Variants in ADAMTS9 observed in about 807,000 individuals in gnomAD.
ADAMTS9 encodes ADAM metallopeptidase with thrombospondin type 1 motif 9, also known as A disintegrin and metalloproteinase with thrombospondin motifs 9.
ADAMTS9 carries 107 observed loss-of-function variants against 257.1 expected under a neutral mutation model. The observed-to-expected ratio is 0.42, with a 90% CI of 0.36 to 0.49. ADAMTS9 has a LOEUF of 0.49. ADAMTS9 is among the 20% of genes least tolerant of loss of function. ADAMTS9 has a pLI of 0.03. For synonymous variants in ADAMTS9, 982 were observed against 880.9 expected, an observed-to-expected ratio of 1.11 and a Z score of -2.03; for missense variants, 2,353 against 2,469.1, an observed-to-expected ratio of 0.95 and a Z score of 1.00.
At chr3:64,647,882 C>A in intron 11 of ADAMTS9, 58 bp downstream of exon 11, 1 of 1,499,756 alleles carries the variant, frequency 6.7e-7, no homozygotes, top group Non-Finnish European at 9.1e-7. Context: ...TGATCATACA[C>A]CCAAAATCTT....
At chr3:64,558,175 G>T (rs2083365819) in intron 30 of ADAMTS9, among the ~76,000 whole-genome samples, 1 of 152,198 alleles carries the variant, frequency 6.6e-6, no homozygotes, top group African/African-American at 2.4e-5. Context: ...CACTTTAGGT[G>T]TATTTGGCAT....
At chr3:64,618,394 T>A (rs981643153) in intron 19 of ADAMTS9, among the ~76,000 whole-genome samples, 6 of 152,198 alleles carry the variant, frequency 3.9e-5, no homozygotes, top group African/African-American at 1.2e-4. Flanking sequence ...ATGGGAAATT[T>A]AGAATTTAGA....
At chr3:64,574,559 C>CA (rs34194727) in intron 28 of ADAMTS9, among the ~76,000 whole-genome samples, 6,321 of 80,698 alleles carry the variant, frequency 0.078, 370 homozygotes, top group African/African-American at 0.12. Context: ...CCCATCTCTA[C>CA]AAAAAAAAAA....
At chr3:64,678,495 G>A (rs1327656143) in intron 3 of ADAMTS9, among the ~76,000 whole-genome samples, 2 of 152,220 alleles carry the variant, frequency 1.3e-5, no homozygotes, top group African/African-American at 4.8e-5. Flanking sequence ...TTGCCTGGGA[G>A]AGGGGTTAGT....
intron 3 of ADAMTS9, among the ~76,000 whole-genome samples, chr3:64,676,068 A>G (rs920637859): frequency 3.9e-5 from 6 of 152,224 alleles, no homozygotes; most frequent in African/African-American, 1.4e-4. Context: ...GGGTCAGTCC[A>G]ACAGGCACAA....
At chr3:64,671,477 A>G (rs2107016233) in intron 3 of ADAMTS9, among the ~76,000 whole-genome samples, 1 of 152,348 alleles carries the variant, frequency 6.6e-6, no homozygotes, top group East Asian at 1.9e-4. Context: ...ATGGAAGGAA[A>G]ACACTAGGAA....
chr3:64,666,449 C>T (rs1271266043), intron 3 of ADAMTS9, among the ~76,000 whole-genome samples: 4 of 152,174 alleles, frequency 2.6e-5, no homozygotes, highest in South Asian at 2.1e-4. Context: ...AGGAGCAAGG[C>T]GAGACCCCTT....
intron 30 of ADAMTS9, among the ~76,000 whole-genome samples, chr3:64,551,329 C>A (rs2083268976): frequency 6.6e-6 from 1 of 152,150 alleles, no homozygotes; most frequent in Admixed American, 6.5e-5. Flanking sequence ...CCTGCCTCAG[C>A]CTCCCGAGTA....
chr3:64,543,206 AT>A (rs1166469635), intron 32 of ADAMTS9, among the ~76,000 whole-genome samples: 1 of 168 alleles, frequency 6.0e-3, no homozygotes, highest in African/African-American at 0.05. Flanking sequence ...AGCTGGTACC[AT>A]ATCCTTCTGA....
At position 64,635,320 on chromosome 3, in the gene ADAMTS9, C is replaced by T. The variant is rs151327957; in HGVS notation, c.1857-1441G>A. ...GGGTGACTTTGTGTAAGCTGTCTCA[C>T]CTTCCTGGGCTCTATCTTCACATGT... On this transcript the variant is annotated intron_variant, in intron 12 of 39. Transcript: ENST00000498707. Among the ~76,000 whole-genome samples the T allele has an allele frequency of 5.5e-3, 837 of 152,304 alleles. 9 individuals are homozygous for T. The highest frequency in any genetic ancestry group is 0.019 in the African/African-American group (797 of 41,556).
At chr3:64,656,981 G>A (rs530309429) in intron 4 of ADAMTS9, among the ~76,000 whole-genome samples, 5 of 152,058 alleles carry the variant, frequency 3.3e-5, no homozygotes, top group South Asian at 2.1e-4. Flanking sequence ...GTTATGCTAC[G>A]GCTGAAAATG....
chr3:64,568,592 G>A, intron 28 of ADAMTS9, 57 bp from the exon 29 acceptor site: 4 of 1,586,464 alleles, frequency 2.5e-6, no homozygotes, highest in Admixed American at 3.7e-5. Context: ...CGGAGTTTGA[G>A]AAAAAACCTG....
intron 12 of ADAMTS9, among the ~76,000 whole-genome samples, chr3:64,634,754 G>C (rs1159119304): frequency 6.6e-6 from 1 of 152,242 alleles, no homozygotes; most frequent in East Asian, 1.9e-4. Context: ...AACTGCCCTA[G>C]GACAACCCTG....
chr3:64,583,952 G>A (rs559796967), intron 28 of ADAMTS9: 3 of 152,266 alleles, frequency 2.0e-5, no homozygotes, highest in South Asian at 2.1e-4. Context: ...GAACAAACAC[G>A]TTCTTCTGAA....
At chr3:64,607,187 G>A in intron 22 of ADAMTS9, 108 bp from the exon 23 acceptor site, 3 of 1,449,826 alleles carry the variant, frequency 2.1e-6, no homozygotes, top group Non-Finnish European at 2.8e-6. Flanking sequence ...CAGTAGGCCA[G>A]AGGGCTGGCG....
Position 64,631,709 on chromosome 3 carries a change from T to C in ADAMTS9, c.2293+99A>G. On this transcript the variant is annotated intron_variant, in intron 15 of 39. Coordinates refer to ENST00000498707, the MANE Select transcript of ADAMTS9 (RefSeq NM_182920.2). ...ATAATCCACCATAACGAGACTGATT[T>C]TTATGCTCGACATTAATATTTTTGC... The C allele has an allele frequency of 7.1e-6, 9 of 1,261,794 alleles. No individual in the cohort carries two copies. The South Asian group carries it at 1.1e-4, about 16-fold the overall frequency. The allele number at this position is 1,261,794 out of a possible 1,614,324, so 78.2% of individuals were successfully genotyped here. A position where few individuals can be genotyped will look rare whatever the true frequency, so the allele number is the denominator to read the frequency against.
intron 36 of ADAMTS9, among the ~76,000 whole-genome samples, chr3:64,540,016 G>T: frequency 6.6e-6 from 1 of 152,328 alleles, no homozygotes. Context: ...CCAGAGGCAG[G>T]TTTCATCTTT....
intron 38 of ADAMTS9, among the ~76,000 whole-genome samples, chr3:64,531,580 A>G (rs11921936): frequency 0.053 from 8,080 of 151,704 alleles, 727 homozygotes; most frequent in African/African-American, 0.18. Flanking sequence ...GGATCCTCCC[A>G]CCTCAACCTC....
Position 64,517,422 on chromosome 3 carries a change from T to TTTTTG in ADAMTS9, c.*6-302_*6-301insCAAAA, listed in dbSNP as rs1553698679. ...GCCCAGCTAATTAAAAATGGTTTTT[T>TTTTTG]TTTTTTTTTTTTTTTTTGCAGAAAT... is the stretch of plus-strand genomic sequence containing the variant. On this transcript the variant is annotated intron_variant, in intron 39 of 39. Coordinates refer to ENST00000498707, the MANE Select transcript of ADAMTS9 (RefSeq NM_182920.2). Among the ~76,000 whole-genome samples the TTTTTG allele has an allele frequency of 5.7e-5, 7 of 122,878 alleles. 1 individual carries two copies. Among genetic ancestry groups the TTTTTG allele is most frequent in the Non-Finnish European group, 1.0e-4 (6 of 57,628 alleles). The allele number at this position is 122,878 out of a possible 152,430, so 80.6% of individuals were successfully genotyped here. A position where few individuals can be genotyped will look rare whatever the true frequency, so the allele number is the denominator to read the frequency against.
Sources: allele counts gnomAD v4.1 joint callset (sites outside exome capture counted in the v4.1 genomes callset), GRCh38; gene constraint gnomAD v4.1.1; transcripts MANE v1.5; gene names NCBI Gene and HGNC (gene_info 2026-07-23, HGNC 2026-07-21).